The following NRXN3 variants were observed in gnomAD, a reference collection of about 807,000 sequenced individuals.
NRXN3 encodes the protein neurexin 3, also known as neurexin III.
In NRXN3, 32 loss-of-function variants were observed where a neutral mutation model predicts 137.6. That is an observed-to-expected ratio of 0.23 (90% CI 0.18 to 0.31). The LOEUF (loss-of-function observed/expected upper bound fraction) is 0.31, where lower values mean the gene tolerates loss of function less well. Ranked by LOEUF, NRXN3 falls within the 10% of genes least tolerant of loss-of-function variation. The pLI, the probability that NRXN3 is intolerant of heterozygous loss-of-function variation, is 1.00. For missense variants in NRXN3, 1,574 were observed against 2,062.5 expected (o/e 0.76, Z 4.59); for synonymous variants, 798 against 784.5 (o/e 1.02, Z -0.29).
intron 4 of NRXN3, among the ~76,000 whole-genome samples, chr14:78,425,361 A>G (rs1370532261): frequency 2.0e-5 from 3 of 152,206 alleles, no homozygotes; most frequent in Non-Finnish European, 4.4e-5. Flanking sequence ...GTGGCATCTT[A>G]GAGTATTGTC....
intron 15 of NRXN3, among the ~76,000 whole-genome samples, chr14:79,385,374 A>G (rs995740511): frequency 6.6e-6 from 1 of 151,644 alleles, no homozygotes; most frequent in African/African-American, 2.4e-5. Flanking sequence ...CCATGTCCCT[A>G]CAAAGGACAT....
At chr14:79,701,672 C>T (rs898798824) in intron 19 of NRXN3, among the ~76,000 whole-genome samples, 2 of 151,980 alleles carry the variant, frequency 1.3e-5, no homozygotes, top group African/African-American at 4.8e-5. Flanking sequence ...GTCACTTGTA[C>T]AATATGCTAT....
chr14:78,408,623 T>A (rs2092644396), intron 4 of NRXN3, among the ~76,000 whole-genome samples: 1 of 152,234 alleles, frequency 6.6e-6, no homozygotes, highest in Non-Finnish European at 1.5e-5. Flanking sequence ...GCTGCTTTGG[T>A]TGCAGCCTAG....
At chr14:79,683,412 G>A (rs188060315) in intron 17 of NRXN3, among the ~76,000 whole-genome samples, 12 of 152,164 alleles carry the variant, frequency 7.9e-5, no homozygotes, top group Admixed American at 1.3e-4. Context: ...CAGGTGAGGA[G>A]GATATTATAA....
chr14:78,741,323 C>T (rs550187362), intron 8 of NRXN3, among the ~76,000 whole-genome samples: 16 of 152,048 alleles, frequency 1.1e-4, no homozygotes, highest in African/African-American at 2.9e-4. Flanking sequence ...AAGCGAAGAA[C>T]GAAGTGGACT....
At chr14:79,764,969 T>G (rs530367265) in intron 19 of NRXN3, among the ~76,000 whole-genome samples, 1 of 152,326 alleles carries the variant, frequency 6.6e-6, no homozygotes, top group East Asian at 1.9e-4. Flanking sequence ...ATTCTGATTT[T>G]TAAACAATTA....
chr14:78,440,142 C>T (rs764422678), intron 4 of NRXN3, among the ~76,000 whole-genome samples: 1 of 152,226 alleles, frequency 6.6e-6, no homozygotes, highest in African/African-American at 2.4e-5. Flanking sequence ...GCTGCACCAC[C>T]GGCCAGTACG....
chr14:79,035,505 A>G (rs920667420), intron 15 of NRXN3, among the ~76,000 whole-genome samples: 14 of 152,084 alleles, frequency 9.2e-5, no homozygotes, highest in Admixed American at 3.3e-4. Context: ...ATTCATAGAA[A>G]TCATAGATTT....
At chr14:78,594,759 C>T (rs1366086275) in intron 4 of NRXN3, among the ~76,000 whole-genome samples, 2 of 152,120 alleles carry the variant, frequency 1.3e-5, no homozygotes, top group Non-Finnish European at 2.9e-5. Context: ...TAATAAGACT[C>T]CTGTTCCAGG....
intron 4 of NRXN3, among the ~76,000 whole-genome samples, chr14:78,322,914 A>G (rs1037501668): frequency 2.6e-5 from 4 of 151,944 alleles, no homozygotes; most frequent in East Asian, 1.9e-4. Flanking sequence ...TGCATTAGCT[A>G]TCTTCCCCGC....
At chr14:78,691,565 G>A (rs1432193398) in intron 6 of NRXN3, among the ~76,000 whole-genome samples, 2 of 152,118 alleles carry the variant, frequency 1.3e-5, no homozygotes, top group East Asian at 3.8e-4. Flanking sequence ...TGGATCTAGG[G>A]ACACTCTAGT....
chr14:78,404,656 C>T (rs1215668403), intron 4 of NRXN3, among the ~76,000 whole-genome samples: 1 of 152,094 alleles, frequency 6.6e-6, no homozygotes, highest in Non-Finnish European at 1.5e-5. Flanking sequence ...GGGACTGTGC[C>T]TCATTCAATT....
At chr14:79,077,494 T>C (rs183088656) in intron 15 of NRXN3, among the ~76,000 whole-genome samples, 76 of 152,342 alleles carry the variant, frequency 5.0e-4, no homozygotes, top group Middle Eastern at 3.4e-3. Flanking sequence ...AATAAATTAC[T>C]ATCCTTGTTA....
At position 78,649,285 on chromosome 14, in the gene NRXN3, C is replaced by T. The variant is rs568491309; in HGVS notation, c.1060-1880C>T. 73 of 1,343,678 alleles carry T rather than the reference C, an allele frequency of 5.4e-5. 2 individuals carry two copies. The highest frequency in any genetic ancestry group is 4.1e-4 in the Middle Eastern group (2 of 4,922). 83.2% of individuals were successfully genotyped at this position (1,343,678 alleles called of 1,614,324 possible). A position where few individuals can be genotyped will look rare whatever the true frequency, so the allele number is the denominator to read the frequency against. The stretch of plus-strand genomic sequence containing the variant: ...CCGCAAAGCACTCAGGCATCGGACA[C>T]GCTATGGTAAACAAACTACATTGTC... On this transcript the variant is annotated intron_variant, in intron 5 of 20. Transcript: ENST00000335750.
intron 15 of NRXN3, among the ~76,000 whole-genome samples, chr14:79,012,180 A>G (rs946136236): frequency 6.6e-6 from 1 of 152,194 alleles, no homozygotes; most frequent in Non-Finnish European, 1.5e-5. Context: ...GTGATGTGAA[A>G]CATATATTAA....
At chr14:79,341,388 G>T (rs1189890655) in intron 15 of NRXN3, among the ~76,000 whole-genome samples, 2 of 152,082 alleles carry the variant, frequency 1.3e-5, no homozygotes, top group African/African-American at 4.8e-5. Context: ...AATCCTATAA[G>T]CACTTGCCAC....
Position 79,332,505 on chromosome 14 carries a change from G to A in NRXN3, c.3263-134716G>A, listed in dbSNP as rs541872030. On this transcript the variant is annotated intron_variant, in intron 15 of 20. Coordinates refer to ENST00000335750, the MANE Select transcript of NRXN3 (RefSeq NM_001330195.2). Reference sequence around the variant, plus strand: ...TAGTGAACTTCTACTCACCGTTTAAGACCAGATTTAAATGGCATCTTCCTT... The same window carrying A: ...TAGTGAACTTCTACTCACCGTTTAAAACCAGATTTAAATGGCATCTTCCTT... Among the ~76,000 whole-genome samples the A allele has an allele frequency of 2.6e-5, 4 of 152,310 alleles. No homozygotes were observed. The South Asian group carries it at 8.3e-4, about 32-fold the overall frequency.
At chr14:78,489,004 G>A (rs74413149) in intron 4 of NRXN3, among the ~76,000 whole-genome samples, 1 of 152,156 alleles carries the variant, frequency 6.6e-6, no homozygotes, top group Non-Finnish European at 1.5e-5. Flanking sequence ...ACTCCCAGCT[G>A]CTTCTAAGAA....
At chr14:78,707,026 C>T (rs555757513) in intron 6 of NRXN3, among the ~76,000 whole-genome samples, 10 of 152,260 alleles carry the variant, frequency 6.6e-5, no homozygotes, top group African/African-American at 1.2e-4. Context: ...GATGATAATG[C>T]AACCTTTTCA....
Sources: gnomAD v4.1 joint callset for allele counts (sites outside exome capture counted in the v4.1 genomes callset) on GRCh38, gnomAD v4.1.1 for gene constraint, MANE v1.5 for transcripts, NCBI Gene and HGNC (gene_info 2026-07-23, HGNC 2026-07-21) for gene names.